The following MYCBP2 variants were observed in gnomAD, a reference collection of about 807,000 sequenced individuals.
MYCBP2 encodes E3 ubiquitin-protein ligase MYCBP2.
MYCBP2 carries 120 observed loss-of-function variants against 525.3 expected under a neutral mutation model. The observed-to-expected ratio is 0.23, with a 90% confidence interval of 0.20 to 0.27. MYCBP2 has a LOEUF of 0.27. MYCBP2 is among the 10% of genes least tolerant of loss of function. The probability of loss-of-function intolerance (pLI) is 1.00; values close to 1 mark genes in which losing one functional copy is unlikely to be tolerated. For synonymous variants in MYCBP2, 1,894 were observed against 1,955.8 expected (o/e 0.97, Z 0.83); for missense variants, 4,149 against 5,657.1 (o/e 0.73, Z 8.55).
At chr13:77,181,630 A>T (rs2060226193) in intron 33 of MYCBP2, 71 bp downstream of exon 33, 1 of 1,231,194 alleles carries the variant, frequency 8.1e-7, no homozygotes, top group African/African-American at 1.5e-5. Flanking sequence ...GCCTCTGTAT[A>T]AAAGAGGCAA....
intron 17 of MYCBP2, among the ~76,000 whole-genome samples, chr13:77,235,783 A>G (rs1396002119): frequency 2.0e-5 from 3 of 152,160 alleles, no homozygotes; most frequent in African/African-American, 7.2e-5. Flanking sequence ...CACACAAACT[A>G]GAGGAGAAGC....
At position 77,090,127 on chromosome 13, in the gene MYCBP2, T is replaced by G. The variant is rs1454907115; in HGVS notation, c.10504A>C (p.Arg3502=). ...PARVKAIPRR[R]VNSGDTEVGS... is the part of the protein sequence containing the mutation. ...TTACCAGTGTCTCCACTGTTAACTC[T>G]TCTTCTAGGAATAGCTTTAACTCGT... The change falls in exon 60 of 83, where the codon AGA becomes CGA. Residue 3502 remains arginine, a synonymous_variant. Transcript: ENST00000544440. 24 of 1,611,778 alleles carry G rather than the reference T, an allele frequency of 1.5e-5. No homozygotes were observed. Among genetic ancestry groups the G allele is most frequent in the Non-Finnish European group, 1.9e-5 (22 of 1,178,848 alleles).
chr13:77,058,083 A>C lies in MYCBP2; in HGVS notation c.13329+135T>G, dbSNP rs2038526546. ...TCTCGATCTCCTGACCTCGTGATCC[A>C]CCTGCCTCGGCCTCCCAAAGTGCTG... On this transcript the variant is annotated intron_variant, in intron 78 of 82. Transcript: ENST00000544440. The surrounding 1 kb of genome is among the most constrained non-coding windows in gnomAD (Gnocchi z 4.1). The C allele has an allele frequency of 4.5e-6, 4 of 881,298 alleles. No homozygotes were observed. Among genetic ancestry groups the C allele is most frequent in the Non-Finnish European group, 6.9e-6 (4 of 581,396 alleles). The allele number at this position is 881,298 out of a possible 1,614,324, so 54.6% of individuals were successfully genotyped here.
At chr13:77,046,951 A>T (rs1593980111) in intron 82 of MYCBP2, among the ~76,000 whole-genome samples, 1 of 152,206 alleles carries the variant, frequency 6.6e-6, no homozygotes, top group South Asian at 2.1e-4. Flanking sequence ...TCAATGGCAG[A>T]TCTAGTTCAG....
At chr13:77,173,960 T>C (rs537095622) in intron 37 of MYCBP2, among the ~76,000 whole-genome samples, 25 of 152,372 alleles carry the variant, frequency 1.6e-4, no homozygotes, top group Admixed American at 1.4e-3. Context: ...GTACAGTCTA[T>C]CTGATCATTA....
chr13:77,098,728 C>T lies in MYCBP2; in HGVS notation c.8426G>A (p.Arg2809Lys). ...AGAACCTGGTCCTGGGGATTCAGCT[C>T]TGGAGCTAGAAGGCATCCTCCCATC... ...KSDGRMPSSS[R>K]AESPGPGSRL... Residue 2809 changes from arginine (R) to lysine (K), a missense_variant, in exon 56 of 83, where the codon AGA becomes AAA. Physicochemically the swap from Arg to Lys is conservative, Grantham distance 26 (BLOSUM62 2). Transcript: ENST00000544440. 1 of 1,613,422 alleles carries T rather than the reference C, an allele frequency of 6.2e-7. No individual in the cohort carries two copies. Among genetic ancestry groups the T allele is most frequent in the Non-Finnish European group, 8.5e-7 (1 of 1,179,726 alleles).
chr13:77,082,046 C>A, intron 63 of MYCBP2, 53 bp from the exon 64 acceptor site: 1 of 1,536,336 alleles, frequency 6.5e-7, no homozygotes, highest in Non-Finnish European at 8.9e-7. Flanking sequence ...CCAGGAACAT[C>A]TAAGGAACTC....
At chr13:77,282,682 C>T (rs1326851188) in intron 3 of MYCBP2, among the ~76,000 whole-genome samples, 1 of 151,866 alleles carries the variant, frequency 6.6e-6, no homozygotes, top group Non-Finnish European at 1.5e-5. Context: ...ATTTTTTGAA[C>T]TTCAGCCCTA....
intron 18 of MYCBP2, among the ~76,000 whole-genome samples, chr13:77,227,261 T>A (rs2066403384): frequency 1.3e-5 from 2 of 151,548 alleles, no homozygotes; most frequent in South Asian, 4.2e-4. Flanking sequence ...GAGGTTTTAC[T>A]ATAATAGGAT....
intron 1 of MYCBP2, among the ~76,000 whole-genome samples, chr13:77,317,656 C>T (rs985169590): frequency 2.6e-5 from 4 of 152,126 alleles, no homozygotes; most frequent in South Asian, 2.1e-4. Context: ...AAGTGGGTCC[C>T]GGCCGGGCGC....
At position 77,205,344 on chromosome 13, in the gene MYCBP2, T is replaced by A. The variant is rs1566920062; in HGVS notation, c.3755A>T (p.Glu1252Val). Residue 1252 changes from glutamate to valine, a missense_variant, in exon 26 of 83, where the codon GAA becomes GTA. Glu to Val is a moderately radical substitution (Grantham distance 121). This residue lies in a region of MYCBP2 where 620 missense variants were observed against 795.5 expected (regional missense o/e 0.78). Coordinates refer to ENST00000544440, the MANE Select transcript of MYCBP2 (RefSeq NM_015057.5). ...GGWGYSAHSV[E>V]AIRFSADTDI... ...AGTGTCGGCACTGAAACGTATAGCT[T>A]CTACTGAATGGGCAGAATAACCCCA... 1 of 1,613,832 alleles carries A rather than the reference T, an allele frequency of 6.2e-7. No homozygotes were observed.
At chr13:77,117,067 C>A (rs73541771) in intron 55 of MYCBP2, among the ~76,000 whole-genome samples, 1,574 of 152,070 alleles carry the variant, frequency 0.01, 29 homozygotes, top group African/African-American at 0.036. Flanking sequence ...TTTGTCCTTA[C>A]CTTTAAAACT....
chr13:77,082,068 C>T (rs541744946), intron 63 of MYCBP2, 75 bp from the exon 64 acceptor site: 45 of 1,280,010 alleles, frequency 3.5e-5, no homozygotes, highest in South Asian at 1.6e-4. Flanking sequence ...TAGATGAGTA[C>T]TCTGTAGCTA....
intron 17 of MYCBP2, among the ~76,000 whole-genome samples, chr13:77,238,714 A>G (rs1410509492): frequency 2.6e-5 from 4 of 152,268 alleles, no homozygotes; most frequent in African/African-American, 7.2e-5. Context: ...ATGAAGAAGC[A>G]GTAATATCAT....
At chr13:77,206,192 G>A (rs1025657015) in intron 24 of MYCBP2, among the ~76,000 whole-genome samples, 5 of 151,646 alleles carry the variant, frequency 3.3e-5, no homozygotes, top group African/African-American at 1.2e-4. Context: ...ACATCTCAAA[G>A]TAATTAAATA....
chr13:77,153,237 C>T (rs898010028), intron 46 of MYCBP2, among the ~76,000 whole-genome samples: 26 of 152,150 alleles, frequency 1.7e-4, no homozygotes, highest in African/African-American at 5.6e-4. Context: ...AACACTTAGC[C>T]ATCCACAGAC....
intron 8 of MYCBP2, among the ~76,000 whole-genome samples, chr13:77,265,456 C>A (rs1395398463): frequency 2.6e-5 from 4 of 152,038 alleles, no homozygotes; most frequent in African/African-American, 9.7e-5. Context: ...AAGATACAAT[C>A]TGTAAGATAA....
chr13:77,239,803 A>T (rs141898987), intron 17 of MYCBP2, among the ~76,000 whole-genome samples: 3 of 152,340 alleles, frequency 2.0e-5, no homozygotes, highest in African/African-American at 7.2e-5. Context: ...CCTGAAAGAG[A>T]GTCCTCCATC....
At chr13:77,209,752 T>C (rs1380969388) in intron 23 of MYCBP2, among the ~76,000 whole-genome samples, 1 of 152,210 alleles carries the variant, frequency 6.6e-6, no homozygotes, top group East Asian at 1.9e-4. Context: ...CCACTACGCC[T>C]TCTCATAAAA....
Sources: gnomAD v4.1 joint callset for allele counts (sites outside exome capture counted in the v4.1 genomes callset) on GRCh38, gnomAD v4.1.1 for gene constraint, gnomAD v4.1.1 regional missense constraint, Gnocchi (gnomAD v3.1) non-coding constraint, MANE v1.5 for transcripts, NCBI Gene and HGNC (gene_info 2026-07-23, HGNC 2026-07-21) for gene names.